Variants in RTN1 observed in about 807,000 individuals in gnomAD.
RTN1 encodes reticulon-1.
In RTN1, 25 loss-of-function variants were observed where a neutral mutation model predicts 65.5. The ratio of observed to expected loss-of-function variants is 0.38; its 90% CI spans 0.28 to 0.53. The LOEUF (loss-of-function observed/expected upper bound fraction) is 0.53, where lower values mean the gene tolerates loss of function less well. RTN1 is among the 20% of genes least tolerant of loss of function. The pLI, the probability that RTN1 is intolerant of heterozygous loss-of-function variation, is 0.79. For synonymous variants in RTN1, 471 were observed against 447.6 expected, an observed-to-expected ratio of 1.05 and a Z score of -0.66; for missense variants, 983 against 1,025.4, an observed-to-expected ratio of 0.96 and a Z score of 0.57.
At position 59,607,441 on chromosome 14, in the gene RTN1, C is replaced by G. The variant is rs779785815; in HGVS notation, c.1817G>C (p.Gly606Ala). The change falls in exon 4 of 9, where the codon GGG becomes GCG. Residue 606 changes from glycine (G) to alanine (A), a missense_variant. Coordinates refer to ENST00000267484, the MANE Select transcript of RTN1 (RefSeq NM_021136.3). ...GGAGAAGAGCAGCAGCAGGAAACTC[C>G]CAAACACGATGCCCGTCTGCTTGAT... is the stretch of plus-strand genomic sequence containing the variant. ...RDIKQTGIVFGSFLLLLFSLT... is the reference protein window; with the variant it reads ...RDIKQTGIVFASFLLLLFSLT... 26 of 1,612,096 alleles carry G rather than the reference C, an allele frequency of 1.6e-5. No individual in the cohort carries two copies. The highest frequency in any genetic ancestry group is 2.2e-5 in the Non-Finnish European group (26 of 1,179,028).
At chr14:59,608,084 C>T (rs1183443471) in intron 3 of RTN1, among the ~76,000 whole-genome samples, 1 of 152,022 alleles carries the variant, frequency 6.6e-6, no homozygotes, top group African/African-American at 2.4e-5. Flanking sequence ...AAATTACATG[C>T]AAAAGAGTAG....
chr14:59,863,132 C>T (rs112863945), intron 1 of RTN1, among the ~76,000 whole-genome samples: 145 of 152,170 alleles, frequency 9.5e-4, no homozygotes, highest in African/African-American at 3.4e-3. Context: ...CCCCACCTCC[C>T]GCAACACCAA....
chr14:59,756,982 T>G (rs1885653294), intron 1 of RTN1, among the ~76,000 whole-genome samples: 1 of 152,058 alleles, frequency 6.6e-6, no homozygotes, highest in Non-Finnish European at 1.5e-5. Flanking sequence ...AGCCACTGCA[T>G]CTAGCTCTTT....
chr14:59,603,274 A>C lies in RTN1; in HGVS notation c.2183-16T>G, dbSNP rs951841475. On this transcript the variant is annotated splice_polypyrimidine_tract_variant and intron_variant, in intron 6 of 8. Transcript: ENST00000267484. Reference sequence around the variant, plus strand: ...GAAACCACAGCTGGGATGAAAAACAAATATAGTATTAAAATTCTGAGTTAT... The same window carrying C: ...GAAACCACAGCTGGGATGAAAAACACATATAGTATTAAAATTCTGAGTTAT... The C allele has an allele frequency of 1.2e-5, 19 of 1,604,916 alleles. No individual in the cohort carries two copies. The highest frequency in any genetic ancestry group is 1.5e-5 in the Non-Finnish European group (18 of 1,173,958).
At chr14:59,763,376 A>G (rs1885786139) in intron 1 of RTN1, among the ~76,000 whole-genome samples, 1 of 152,192 alleles carries the variant, frequency 6.6e-6, no homozygotes, top group Non-Finnish European at 1.5e-5. Flanking sequence ...GTTTGGGAAT[A>G]TTGATCCAAG....
intron 1 of RTN1, among the ~76,000 whole-genome samples, chr14:59,863,321 T>G (rs949771013): frequency 6.6e-5 from 10 of 152,126 alleles, no homozygotes; most frequent in Admixed American, 5.9e-4. Flanking sequence ...CCATCTCTTA[T>G]TTTCTCCCCT....
chr14:59,643,618 G>A (rs1039521338), intron 3 of RTN1, among the ~76,000 whole-genome samples: 2 of 152,122 alleles, frequency 1.3e-5, no homozygotes, highest in African/African-American at 4.8e-5. Flanking sequence ...GCCGTCTGCT[G>A]AACTATGCAG....
Position 59,727,443 on chromosome 14 carries a change from T to G in RTN1, c.1241A>C (p.Glu414Ala), listed in dbSNP as rs369376819. 62 of 1,556,140 alleles carry G rather than the reference T, an allele frequency of 4.0e-5. No individual in the cohort carries two copies. The highest frequency in any genetic ancestry group is 5.3e-5 in the Non-Finnish European group (61 of 1,150,806). ...GGCCATGGGGTCCTCGGACACCAGC[T>G]CGATCTCTGAGTCCCCCGACTCCGC... ...SSAESGDSEI[E>A]LVSEDPMAAE... Residue 414 changes from glutamate (E) to alanine (A), a missense_variant, in exon 3 of 9, where the codon GAG becomes GCG. Transcript: ENST00000267484. The surrounding 1 kb of genome is among the most constrained non-coding windows in gnomAD (Gnocchi z 4.2).
intron 1 of RTN1, among the ~76,000 whole-genome samples, chr14:59,809,355 C>G (rs1386304839): frequency 6.6e-6 from 1 of 151,792 alleles, no homozygotes; most frequent in Non-Finnish European, 1.5e-5. Flanking sequence ...GATTATGATT[C>G]TTATTTCTTT....
chr14:59,856,241 T>C (rs1594769113), intron 1 of RTN1, among the ~76,000 whole-genome samples: 1 of 152,332 alleles, frequency 6.6e-6, no homozygotes, highest in Non-Finnish European at 1.5e-5. Context: ...GCAGAAGGGA[T>C]AGAGACTCCA....
At position 59,735,458 on chromosome 14, in the gene RTN1, C is replaced by A. The variant is rs1594709290; in HGVS notation, c.1016-7790G>T. Among the ~76,000 whole-genome samples the A allele has an allele frequency of 2.0e-5, 3 of 152,184 alleles. No homozygotes were observed. In the South Asian group the frequency reaches 6.2e-4, roughly 32 times the overall value. On this transcript the variant is annotated intron_variant, in intron 2 of 8. Transcript: ENST00000267484. Reference sequence around the variant, plus strand: ...ACAAAGTGGCAGGCTGAATAAAGAACCAAGACCCATTAGTATGCTGTCTTC... The same window carrying A: ...ACAAAGTGGCAGGCTGAATAAAGAAACAAGACCCATTAGTATGCTGTCTTC...
chr14:59,869,623 C>T (rs960209443), intron 1 of RTN1, among the ~76,000 whole-genome samples: 1 of 151,268 alleles, frequency 6.6e-6, no homozygotes, highest in Non-Finnish European at 1.5e-5. Context: ...TGTACCACGT[C>T]CACTCACCAC....
intron 3 of RTN1, among the ~76,000 whole-genome samples, chr14:59,642,026 A>G (rs1477838039): frequency 6.6e-6 from 1 of 152,052 alleles, no homozygotes; most frequent in Non-Finnish European, 1.5e-5. Flanking sequence ...CATTCCTTTT[A>G]TCTCAGGTCA....
chr14:59,664,786 A>C (rs1883330384), intron 3 of RTN1, among the ~76,000 whole-genome samples: 1 of 152,158 alleles, frequency 6.6e-6, no homozygotes, highest in African/African-American at 2.4e-5. Context: ...TGACTATTAT[A>C]ACTGCTGTGA....
chr14:59,644,468 T>A (rs1882847192), intron 3 of RTN1, among the ~76,000 whole-genome samples: 1 of 152,152 alleles, frequency 6.6e-6, no homozygotes, highest in Non-Finnish European at 1.5e-5. Context: ...TGTAGAGCTA[T>A]GTGGAGTCTT....
chr14:59,729,985 C>T (rs903469029), intron 2 of RTN1, among the ~76,000 whole-genome samples: 4 of 152,170 alleles, frequency 2.6e-5, no homozygotes, highest in African/African-American at 4.8e-5. Context: ...GTTCCTTCCT[C>T]TTGGTCTTTA....
At chr14:59,779,852 C>A (rs976900340) in intron 1 of RTN1, among the ~76,000 whole-genome samples, 25 of 152,110 alleles carry the variant, frequency 1.6e-4, no homozygotes, top group African/African-American at 6.0e-4. Flanking sequence ...TTCCTCCCCC[C>A]ACTTCCACCC....
At chr14:59,756,017 T>C (rs1052655296) in intron 1 of RTN1, among the ~76,000 whole-genome samples, 5 of 152,342 alleles carry the variant, frequency 3.3e-5, no homozygotes, top group South Asian at 4.1e-4. Flanking sequence ...CTTTTCTCTA[T>C]GAAGAGCCAA....
At chr14:59,818,887 G>T (rs1886870082) in intron 1 of RTN1, among the ~76,000 whole-genome samples, 1 of 152,146 alleles carries the variant, frequency 6.6e-6, no homozygotes, top group Non-Finnish European at 1.5e-5. Flanking sequence ...GTGCAGAACT[G>T]GTGGGTTGTT....
Sources: allele counts gnomAD v4.1 joint callset (sites outside exome capture counted in the v4.1 genomes callset), GRCh38; gene constraint gnomAD v4.1.1; non-coding constraint Gnocchi (gnomAD v3.1); transcripts MANE v1.5; gene names NCBI Gene and HGNC (gene_info 2026-07-23, HGNC 2026-07-21).